Variants in CYP2J2 observed in about 807,000 individuals in gnomAD.
CYP2J2 encodes cytochrome P450 2J2.
Under a neutral mutation model 48.8 loss-of-function variants are expected in CYP2J2, and 41 were observed. That is an observed-to-expected ratio of 0.84 (90% CI 0.66 to 1.09). The LOEUF (loss-of-function observed/expected upper bound fraction) is 1.09, where lower values mean the gene tolerates loss of function less well. Ranked by LOEUF, CYP2J2 falls within the 50% of genes least tolerant of loss-of-function variation. The pLI, the probability that CYP2J2 is intolerant of heterozygous loss-of-function variation, is 0.00. For missense variants in CYP2J2, 644 were observed against 617.3 expected, an observed-to-expected ratio of 1.04 and a Z score of -0.46; for synonymous variants, 221 against 227.1, an observed-to-expected ratio of 0.97 and a Z score of 0.24.
chr1:59,900,546 A>G (rs1241859461), intron 8 of CYP2J2, among the ~76,000 whole-genome samples: 1 of 152,216 alleles, frequency 6.6e-6, no homozygotes, highest in African/African-American at 2.4e-5. Flanking sequence ...AGGCAGGAGA[A>G]TCGCTTGAAC....
intron 6 of CYP2J2, 40 bp from the exon 7 acceptor site, chr1:59,905,098 T>C: frequency 6.3e-7 from 1 of 1,582,400 alleles, no homozygotes; most frequent in Non-Finnish European, 8.6e-7. Context: ...TTTAAACTTT[T>C]ATGCTTTATT....
intron 8 of CYP2J2, among the ~76,000 whole-genome samples, chr1:59,894,483 C>G (rs369644700): frequency 6.6e-6 from 1 of 152,260 alleles, no homozygotes; most frequent in East Asian, 1.9e-4. Context: ...CTAGCATTGC[C>G]CTGACCTTGT....
chr1:59,922,965 C>T (rs941829248), intron 1 of CYP2J2, among the ~76,000 whole-genome samples: 1 of 152,214 alleles, frequency 6.6e-6, no homozygotes, highest in Non-Finnish European at 1.5e-5. Flanking sequence ...TCTGCTGAGT[C>T]TGTGAGCTGA....
At chr1:59,930,935 T>C (rs1644599877), upstream of CYP2J2, among the ~76,000 whole-genome samples, 1 of 152,176 alleles carries the variant, frequency 6.6e-6, no homozygotes, top group Admixed American at 6.5e-5. Flanking sequence ...AAATGCGTAT[T>C]TCTTCTCCTT....
intron 5 of CYP2J2, among the ~76,000 whole-genome samples, chr1:59,909,238 A>T (rs1239346140): frequency 6.6e-6 from 1 of 152,206 alleles, no homozygotes; most frequent in Non-Finnish European, 1.5e-5. Context: ...CAGGCTGAGT[A>T]ATGACCCGCA....
At chr1:59,966,998 A>G in the CYP2J2 span, among the ~76,000 whole-genome samples, 2 of 152,060 alleles carry the variant, frequency 1.3e-5, no homozygotes, top group Non-Finnish European at 2.9e-5. Flanking sequence ...CTCCTCAAAC[A>G]AATCATTTTA....
At chr1:59,912,438 A>G in intron 2 of CYP2J2, 127 bp from the exon 3 acceptor site, 1 of 990,564 alleles carries the variant, frequency 1.0e-6, no homozygotes, top group Non-Finnish European at 1.5e-6. Context: ...AACTGCCCAG[A>G]GAAATAATCC....
At chr1:59,935,025 T>C in the CYP2J2 span, among the ~76,000 whole-genome samples, 1,085 of 85,710 alleles carry the variant, frequency 0.013, 17 homozygotes, top group Middle Eastern at 0.02. Context: ...CATATATATA[T>C]ATATATATAT....
At chr1:59,904,568 G>A (rs563241720) in intron 7 of CYP2J2, 6 of 270,658 alleles carry the variant, frequency 2.2e-5, no homozygotes, top group Admixed American at 1.6e-4. Context: ...TAGAACTGCT[G>A]CCTGCCACGT....
Position 59,898,561 on chromosome 1 carries a change from T to G in CYP2J2, c.1330+2404A>C, listed in dbSNP as rs75555617. Among the ~76,000 whole-genome samples, 1,514 of 152,322 alleles carry G rather than the reference T, an allele frequency of 9.9e-3. 16 individuals are homozygous for G. The highest frequency in any genetic ancestry group is 0.034 in the African/African-American group (1,427 of 41,584). The stretch of plus-strand genomic sequence containing the variant: ...AGCTGCAGAGTTTTGGACTGTTTGT[T>G]ATGTAGCAATATGCTAACTGATGCA... On this transcript the variant is annotated intron_variant, in intron 8 of 8. Coordinates refer to ENST00000371204, the MANE Select transcript of CYP2J2 (RefSeq NM_000775.4).
chr1:59,959,963 T>G, the CYP2J2 span, among the ~76,000 whole-genome samples: 1 of 152,274 alleles, frequency 6.6e-6, no homozygotes, highest in East Asian at 1.9e-4. Flanking sequence ...GCTCGGGTGA[T>G]GGGTGTATCA....
intron 8 of CYP2J2, among the ~76,000 whole-genome samples, chr1:59,899,164 T>C (rs1644294637): frequency 6.6e-6 from 1 of 152,194 alleles, no homozygotes; most frequent in African/African-American, 2.4e-5. Flanking sequence ...CATTTCCACA[T>C]GGATGTTGTG....
At chr1:59,964,331 G>A in the CYP2J2 span, among the ~76,000 whole-genome samples, 6 of 152,318 alleles carry the variant, frequency 3.9e-5, no homozygotes, top group African/African-American at 1.4e-4. Context: ...GTACTGGGAT[G>A]TCAGGCACTA....
chr1:59,899,522 G>A (rs748058066), intron 8 of CYP2J2, among the ~76,000 whole-genome samples: 13 of 152,116 alleles, frequency 8.5e-5, no homozygotes, highest in African/African-American at 1.9e-4. Flanking sequence ...ATCTTGTCTC[G>A]GAACATCAAT....
At chr1:59,905,277 T>G (rs1644355889) in intron 6 of CYP2J2, among the ~76,000 whole-genome samples, 2 of 152,288 alleles carry the variant, frequency 1.3e-5, no homozygotes, top group South Asian at 4.1e-4. Context: ...TGACCAGGAT[T>G]AATATGGCTA....
At chr1:59,914,701 A>G (rs1453154533) in intron 2 of CYP2J2, among the ~76,000 whole-genome samples, 1 of 152,182 alleles carries the variant, frequency 6.6e-6, no homozygotes, top group Non-Finnish European at 1.5e-5. Context: ...GAAGCCGGGT[A>G]TTGTCCAAGG....
At chr1:59,932,703 T>A in the CYP2J2 span, among the ~76,000 whole-genome samples, 1 of 143,896 alleles carries the variant, frequency 6.9e-6, no homozygotes, top group East Asian at 2.0e-4. Context: ...TTTCTTATTC[T>A]ATTTTTTTTT....
At chr1:59,923,049 C>A (rs572033139) in intron 1 of CYP2J2, among the ~76,000 whole-genome samples, 2 of 152,114 alleles carry the variant, frequency 1.3e-5, no homozygotes, top group Non-Finnish European at 1.5e-5. Flanking sequence ...GGCTTTCCAG[C>A]CTTCTTCTAC....
the CYP2J2 span, among the ~76,000 whole-genome samples, chr1:59,954,378 CA>C: frequency 6.6e-6 from 1 of 152,136 alleles, no homozygotes; most frequent in Non-Finnish European, 1.5e-5. Context: ...ACATCTCCTC[CA>C]AACTCCACTA....
Sources: gnomAD v4.1 joint callset for allele counts (sites outside exome capture counted in the v4.1 genomes callset) on GRCh38, gnomAD v4.1.1 for gene constraint, MANE v1.5 for transcripts, NCBI Gene and HGNC (gene_info 2026-07-23, HGNC 2026-07-21) for gene names.